Variants in PFKP observed in about 807,000 individuals in gnomAD.
The protein encoded by PFKP is ATP-dependent 6-phosphofructokinase, platelet type.
In PFKP, 101 loss-of-function variants were observed where a neutral mutation model predicts 94.3. The observed-to-expected ratio is 1.07, with a 90% CI of 0.91 to 1.26. The LOEUF (loss-of-function observed/expected upper bound fraction) is 1.26, where lower values mean the gene tolerates loss of function less well. Ranked by LOEUF, PFKP falls within the 50% of genes most tolerant of loss-of-function variation. The pLI, the probability that PFKP is intolerant of heterozygous loss-of-function variation, is 0.00. For synonymous variants in PFKP, 573 were observed against 432.6 expected (o/e 1.32, Z -4.03); for missense variants, 1,145 against 1,103.3 (o/e 1.04, Z -0.53).
Position 3,099,281 on chromosome 10 carries a change from C to G in PFKP, c.193C>G (p.Gln65Glu), listed in dbSNP as rs11542783. The change falls in exon 3 of 22, where the codon CAG becomes GAG. Residue 65 changes from glutamine to glutamate, a missense_variant. Around this residue, in one of 3 missense-constraint regions of PFKP, gnomAD observed 1,119 missense variants for 1,062.8 expected, o/e 1.05. Transcript: ENST00000381125. ...AKVYFIYEGY[Q>E]GMVDGGSNIA... ...TTCTCCCTTTCTCCCCTAGGGCTAC[C>G]AGGGCATGGTGGACGGAGGCTCAAA... The G allele has an allele frequency of 1.9e-6, 3 of 1,612,638 alleles. No individual in the cohort carries two copies. Among genetic ancestry groups the G allele is most frequent in the Admixed American group, 3.3e-5 (2 of 60,020 alleles).
rs776386142 is a variant in PFKP, at chr10:3,135,745, T to G, written c.2132T>G (p.Phe711Cys). ...TTAAAATCTTTTATAGGAAAAAAAT[T>G]TACCACCGATGATTCCATTTGTGTG... ...LKEARGRGKK[F>C]TTDDSICVLG... is the part of the protein sequence containing the mutation. Residue 711 changes from phenylalanine (F) to cysteine (C), a missense_variant, in exon 21 of 22, where the codon TTT becomes TGT. Phe to Cys is a radical substitution (Grantham distance 205). This residue lies in a region of PFKP where 1,119 missense variants were observed against 1,062.8 expected (regional missense o/e 1.05). Coordinates refer to ENST00000381125, the MANE Select transcript of PFKP (RefSeq NM_002627.5). 1.6e-5 allele frequency: 26 copies of G among 1,607,662 alleles called. No homozygotes were observed. The highest frequency in any genetic ancestry group is 2.2e-5 in the Non-Finnish European group (26 of 1,175,320).
rs1158671650 is a variant in PFKP, at chr10:3,103,710, C to A, written c.455-69C>A. ...TCTACCCATGGCCATTCTGCCTCAC[C>A]CCTAGTGGGGCACCCCCCGAACGCG... is the stretch of plus-strand genomic sequence containing the variant. On this transcript the variant is annotated intron_variant, in intron 4 of 21. Coordinates refer to ENST00000381125, the MANE Select transcript of PFKP (RefSeq NM_002627.5). The A allele has an allele frequency of 1.6e-5, 25 of 1,535,192 alleles. No individual in the cohort carries two copies. In the South Asian group the frequency reaches 2.5e-4, roughly 15 times the overall value.
chr10:3,101,514 G>A lies in PFKP; in HGVS notation c.414G>A (p.Arg138=), dbSNP rs1002458473. ...GCCTCACCGGGGCCAACCTCTTCCGGAAGGAGTGGAGTGGGCTGCTGGAGG... is the reference window on the plus strand; with the variant it reads ...GCCTCACCGGGGCCAACCTCTTCCGAAAGGAGTGGAGTGGGCTGCTGGAGG... ...DGSLTGANLF[R]KEWSGLLEEL... Residue 138 remains arginine, a synonymous_variant, in exon 4 of 22, where the codon CGG becomes CGA. Coordinates refer to ENST00000381125, the MANE Select transcript of PFKP (RefSeq NM_002627.5). The A allele has an allele frequency of 3.8e-6, 6 of 1,586,796 alleles. No individual in the cohort carries two copies. Among genetic ancestry groups the A allele is most frequent in the Non-Finnish European group, 5.1e-6 (6 of 1,165,410 alleles).
intron 15 of PFKP, 81 bp downstream of exon 15, chr10:3,118,950 C>A: frequency 9.8e-7 from 1 of 1,020,934 alleles, no homozygotes; most frequent in Non-Finnish European, 1.5e-6. Flanking sequence ...TACTTGTTGG[C>A]TACTGGCCAC....
intron 8 of PFKP, 152 bp from the exon 9 acceptor site, chr10:3,108,549 T>C: frequency 1.6e-6 from 1 of 614,146 alleles, no homozygotes; most frequent in East Asian, 2.8e-5. Flanking sequence ...ACACTAAACG[T>C]TCTGCTAGGA....
chr10:3,081,936 TAATAA>T (rs1416481745), intron 1 of PFKP, among the ~76,000 whole-genome samples: 1 of 147,794 alleles, frequency 6.8e-6, no homozygotes, highest in Non-Finnish European at 1.5e-5. Flanking sequence ...ACTTTACTGA[TAATAA>T]AATTGCATGA....
At chr10:3,068,588 C>T (rs1180407393) in intron 1 of PFKP, 1 of 832,018 alleles carries the variant, frequency 1.2e-6, no homozygotes, top group African/African-American at 1.8e-5. Context: ...TAGGAGGGGC[C>T]CGAGGCTGGG....
chr10:3,123,687 C>T (rs1837646371), intron 16 of PFKP, among the ~76,000 whole-genome samples: 1 of 152,278 alleles, frequency 6.6e-6, no homozygotes, highest in African/African-American at 2.4e-5. Flanking sequence ...CATCACCTGT[C>T]TGAAAAGCAT....
chr10:3,112,678 C>T (rs369958137), intron 11 of PFKP, among the ~76,000 whole-genome samples: 1 of 152,212 alleles, frequency 6.6e-6, no homozygotes, highest in Non-Finnish European at 1.5e-5. Context: ...ATGTCTCAGC[C>T]TCCCAAGTAG....
intron 1 of PFKP, among the ~76,000 whole-genome samples, chr10:3,075,552 A>C (rs1335785111): frequency 6.8e-6 from 1 of 146,432 alleles, no homozygotes; most frequent in Non-Finnish European, 1.5e-5. Context: ...CCTGTGTTAT[A>C]TATGCAATTT....
chr10:3,119,959 T>A lies in PFKP; in HGVS notation c.1598T>A (p.Val533Asp). 6.2e-7 allele frequency: 1 copy of A among 1,614,100 alleles called. No homozygotes were observed. The highest frequency in any genetic ancestry group is 8.5e-7 in the Non-Finnish European group (1 of 1,179,990). The change falls in exon 16 of 22, where the codon GTC becomes GAC. Residue 533 changes from valine (V) to aspartate (D), a missense_variant. Physicochemically the swap from Val to Asp is radical, Grantham distance 152 (BLOSUM62 -3). Transcript: ENST00000381125. ...CACGAGGAGTTCTGTGTCCCCATGGTCATGGTTCCCGCTACTGTGTCCAAC... is the reference window on the plus strand; with the variant it reads ...CACGAGGAGTTCTGTGTCCCCATGGACATGGTTCCCGCTACTGTGTCCAAC... ...EKHEEFCVPM[V>D]MVPATVSNNV...
At chr10:3,087,984 CTTTTT>C (rs1224829610) in intron 2 of PFKP, among the ~76,000 whole-genome samples, 90 of 96,592 alleles carry the variant, frequency 9.3e-4, no homozygotes, top group South Asian at 4.8e-3. Context: ...ATCTTTCATT[CTTTTT>C]TTTTTTTTTT....
At chr10:3,112,791 T>C (rs7903389) in intron 11 of PFKP, among the ~76,000 whole-genome samples, 136,641 of 152,156 alleles carry the variant, frequency 0.9, 61,419 homozygotes, top group East Asian at 0.99. Flanking sequence ...TGGTCTCAAA[T>C]TCCTGACCTC....
chr10:3,068,749 C>G, intron 1 of PFKP: 4 of 968,452 alleles, frequency 4.1e-6, no homozygotes, highest in Non-Finnish European at 4.9e-6. Context: ...GCGGGTAGAT[C>G]GGCGCTTCCC....
intron 4 of PFKP, among the ~76,000 whole-genome samples, chr10:3,102,689 C>A (rs1019213073): frequency 8.5e-5 from 13 of 152,216 alleles, no homozygotes; most frequent in African/African-American, 2.4e-4. Flanking sequence ...GCTTCGGCCT[C>A]CCAAAGTGTA....
chr10:3,086,571 C>T (rs546159965), intron 2 of PFKP, among the ~76,000 whole-genome samples: 66 of 152,242 alleles, frequency 4.3e-4, no homozygotes, highest in Admixed American at 4.1e-3. Flanking sequence ...GCACATCCTA[C>T]GATGGACAGG....
intron 16 of PFKP, among the ~76,000 whole-genome samples, chr10:3,124,483 G>A (rs767904611): frequency 1.3e-5 from 2 of 152,236 alleles, no homozygotes; most frequent in South Asian, 2.1e-4. Flanking sequence ...GTTCTTGCTC[G>A]CCTGTGCGGC....
intron 2 of PFKP, among the ~76,000 whole-genome samples, chr10:3,098,367 T>G (rs1020363761): frequency 6.6e-6 from 1 of 152,024 alleles, no homozygotes; most frequent in Non-Finnish European, 1.5e-5. Context: ...AAGATGGGGA[T>G]GCATTTAGCA....
Position 3,136,675 on chromosome 10 carries a change from CA to C in PFKP, c.*97del. 1 of 1,347,076 alleles carries C rather than the reference CA, an allele frequency of 7.4e-7. No homozygotes were observed. The highest frequency in any genetic ancestry group is 1.0e-6 in the Non-Finnish European group (1 of 970,888). The allele number at this position is 1,347,076 out of a possible 1,614,324, so 83.4% of individuals were successfully genotyped here. A position where few individuals can be genotyped will look rare whatever the true frequency, so the allele number is the denominator to read the frequency against. ...CAGCACTTTATGCACGTATTATTGACATTAATACCTAATCGGCGAGTGCCCA... is the reference window on the plus strand; with the variant it reads ...CAGCACTTTATGCACGTATTATTGACTTAATACCTAATCGGCGAGTGCCCA... On this transcript the variant is annotated 3_prime_UTR_variant, in exon 22 of 22. Transcript: ENST00000381125.
Sources: allele counts gnomAD v4.1 joint callset (sites outside exome capture counted in the v4.1 genomes callset), GRCh38; gene constraint gnomAD v4.1.1; regional missense constraint gnomAD v4.1.1; transcripts MANE v1.5; gene names NCBI Gene and HGNC (gene_info 2026-07-23, HGNC 2026-07-21).